MYT1L: variants seen among roughly 807,000 people sequenced by gnomAD.
MYT1L encodes myelin transcription factor 1-like protein.
A neutral mutation model predicts 126.7 loss-of-function variants in MYT1L; 12 were observed. That is an observed-to-expected ratio of 0.09 (90% CI 0.06 to 0.15). MYT1L has a LOEUF of 0.15. MYT1L is among the 10% of genes least tolerant of loss of function. MYT1L has a pLI of 1.00. For synonymous variants in MYT1L, 541 were observed against 604.2 expected (o/e 0.90, Z 1.53); for missense variants, 979 against 1,585.2 (o/e 0.62, Z 6.49).
chr2:1,996,245 TG>T (rs2061826091), intron 5 of MYT1L, among the ~76,000 whole-genome samples: 1 of 152,202 alleles, frequency 6.6e-6, no homozygotes. Flanking sequence ...CCGTCTACAG[TG>T]GGGGCCGCCC....
At chr2:2,235,893 A>G (rs931999411) in intron 2 of MYT1L, among the ~76,000 whole-genome samples, 1 of 152,216 alleles carries the variant, frequency 6.6e-6, no homozygotes, top group Non-Finnish European at 1.5e-5. Flanking sequence ...TTTTACTACT[A>G]GTAGGCTGAG....
Position 1,871,004 on chromosome 2 carries a change from C to T in MYT1L, c.2711+15535G>A, listed in dbSNP as rs138938491. ...GCTGTGTGCTGGTGCACGGGATCCA[C>T]GAACAATTTTAAATGGATCACAAAT... On this transcript the variant is annotated intron_variant, in intron 18 of 24. Transcript: ENST00000647738. Among the ~76,000 whole-genome samples the T allele has an allele frequency of 2.7e-3, 414 of 152,150 alleles. 2 individuals carry two copies. Among genetic ancestry groups the T allele is most frequent in the African/African-American group, 9.0e-3 (374 of 41,502 alleles).
chr2:1,907,734 T>C (rs2051282226), intron 13 of MYT1L, among the ~76,000 whole-genome samples: 1 of 152,280 alleles, frequency 6.6e-6, no homozygotes, highest in Non-Finnish European at 1.5e-5. Flanking sequence ...TAAATGACTG[T>C]AGGTTTAACT....
rs1021455304 is a variant in MYT1L at position 2,226,546 on chromosome 2, G to C, written c.-420-53558C>G. Among the ~76,000 whole-genome samples the C allele has an allele frequency of 2.0e-5, 3 of 152,062 alleles. No homozygotes were observed. The East Asian group carries it at 5.8e-4, about 30-fold the overall frequency. On this transcript the variant is annotated intron_variant, in intron 2 of 24. Coordinates refer to ENST00000647738, the MANE Select transcript of MYT1L (RefSeq NM_001303052.2). ...CTTTGGCATGTTTCACCTGCCATCT[G>C]TCTGTTCTCCCAAAGCCAGCACACA...
At chr2:1,934,702 C>A (rs1334696021) in intron 9 of MYT1L, among the ~76,000 whole-genome samples, 1 of 149,510 alleles carries the variant, frequency 6.7e-6, no homozygotes, top group Non-Finnish European at 1.5e-5. Context: ...TCTCTCTCTT[C>A]CCCCTACCCC....
chr2:2,274,089 A>G (rs960632975), intron 2 of MYT1L, among the ~76,000 whole-genome samples: 1 of 152,204 alleles, frequency 6.6e-6, no homozygotes, highest in African/African-American at 2.4e-5. Flanking sequence ...CATCATAGAG[A>G]AATTATAATT....
chr2:2,320,275 A>C (rs1157242147), intron 1 of MYT1L, among the ~76,000 whole-genome samples: 1 of 151,968 alleles, frequency 6.6e-6, no homozygotes, highest in Admixed American at 6.6e-5. Flanking sequence ...TGGTGTTGGC[A>C]GTGTGTCAAG....
chr2:1,863,449 A>G (rs1355529919), intron 18 of MYT1L, among the ~76,000 whole-genome samples: 1 of 152,236 alleles, frequency 6.6e-6, no homozygotes, highest in Non-Finnish European at 1.5e-5. Context: ...AAGGGTGAGA[A>G]GACTGAGCTC....
intron 18 of MYT1L, among the ~76,000 whole-genome samples, chr2:1,866,662 G>GGAGGGGGAGAGAGAGGCA (rs2045561957): frequency 2.0e-5 from 1 of 48,814 alleles, no homozygotes; most frequent in Non-Finnish European, 3.4e-5. Context: ...AGAGAGAGAG[G>GGAGGGGGAGAGAGAGGCA]GAGAGGGAGG....
At chr2:2,127,630 G>A (rs2081881888) in intron 3 of MYT1L, among the ~76,000 whole-genome samples, 1 of 152,176 alleles carries the variant, frequency 6.6e-6, no homozygotes, top group Non-Finnish European at 1.5e-5. Flanking sequence ...TCTCCGTCCT[G>A]AGTGTTATGT....
At chr2:1,859,875 C>T (rs1021776983) in intron 18 of MYT1L, among the ~76,000 whole-genome samples, 1 of 152,206 alleles carries the variant, frequency 6.6e-6, no homozygotes, top group African/African-American at 2.4e-5. Context: ...GAAAGGGGAC[C>T]CGGGCCGCGC....
chr2:1,871,980 T>C (rs1009294580), intron 18 of MYT1L, among the ~76,000 whole-genome samples: 1 of 152,110 alleles, frequency 6.6e-6, no homozygotes, highest in Non-Finnish European at 1.5e-5. Flanking sequence ...ATGAGCTGCA[T>C]TATTCGTAGA....
At chr2:2,282,173 C>T (rs539891795) in intron 2 of MYT1L, among the ~76,000 whole-genome samples, 1 of 152,306 alleles carries the variant, frequency 6.6e-6, no homozygotes, top group Admixed American at 6.5e-5. Flanking sequence ...AAAAGGTGGA[C>T]TTCTCAAAAT....
At chr2:2,005,567 C>A (rs1374667728) in intron 4 of MYT1L, among the ~76,000 whole-genome samples, 1 of 150,718 alleles carries the variant, frequency 6.6e-6, no homozygotes, top group Non-Finnish European at 1.5e-5. Flanking sequence ...TGCTTGCCTT[C>A]TTTCCTGCAT....
chr2:2,151,781 G>A (rs759791077), intron 3 of MYT1L, among the ~76,000 whole-genome samples: 3 of 152,166 alleles, frequency 2.0e-5, no homozygotes, highest in Non-Finnish European at 4.4e-5. Context: ...ATAGGCCGGG[G>A]GCAGTGGCTC....
At chr2:2,185,857 T>G (rs1244220259) in intron 2 of MYT1L, among the ~76,000 whole-genome samples, 1 of 124,006 alleles carries the variant, frequency 8.1e-6, no homozygotes, top group Non-Finnish European at 1.7e-5. Context: ...CAGCCGGGCC[T>G]CCCAGACGCC....
chr2:2,248,956 C>A (rs913818857), intron 2 of MYT1L, among the ~76,000 whole-genome samples: 1 of 152,042 alleles, frequency 6.6e-6, no homozygotes, highest in East Asian at 1.9e-4. Flanking sequence ...TAGATCTGAA[C>A]ATGACAAAGA....
chr2:2,040,797 G>C (rs764889809), intron 4 of MYT1L, among the ~76,000 whole-genome samples: 1 of 152,140 alleles, frequency 6.6e-6, no homozygotes, highest in Non-Finnish European at 1.5e-5. Context: ...GTTTTATTAA[G>C]TGTATTTTTT....
chr2:2,281,339 G>A (rs2095443863), intron 2 of MYT1L, among the ~76,000 whole-genome samples: 1 of 152,208 alleles, frequency 6.6e-6, no homozygotes, highest in South Asian at 2.1e-4. Context: ...TTTCTTCATG[G>A]CAGTGTGAGA....
Sources: gnomAD v4.1 joint callset for allele counts (sites outside exome capture counted in the v4.1 genomes callset) on GRCh38, gnomAD v4.1.1 for gene constraint, MANE v1.5 for transcripts, NCBI Gene and HGNC (gene_info 2026-07-23, HGNC 2026-07-21) for gene names.